The following ASCC2 variants were observed in gnomAD, a reference collection of about 807,000 sequenced individuals.
The protein encoded by ASCC2 is ASC-1 complex subunit P100.
Under a neutral mutation model 93.5 loss-of-function variants are expected in ASCC2, and 42 were observed. The observed-to-expected ratio is 0.45, with a 90% CI of 0.35 to 0.58. The LOEUF is 0.58. ASCC2 is among the 20% of genes least tolerant of loss of function. The pLI is 0.00. For missense variants in ASCC2, 859 were observed against 977.6 expected, an observed-to-expected ratio of 0.88 and a Z score of 1.62; for synonymous variants, 364 against 384.2, an observed-to-expected ratio of 0.95 and a Z score of 0.62.
At chr22:29,811,469 G>A (rs2060271323) in intron 8 of ASCC2, among the ~76,000 whole-genome samples, 1 of 152,126 alleles carries the variant, frequency 6.6e-6, no homozygotes, top group Admixed American at 6.5e-5. Context: ...TGAATAGATG[G>A]GAAAGGAAGG....
intron 12 of ASCC2, 83 bp from the exon 13 acceptor site, chr22:29,804,913 C>A (rs1287165894): frequency 2.1e-6 from 3 of 1,443,556 alleles, no homozygotes; most frequent in East Asian, 2.3e-5. Context: ...AGCATCTGAC[C>A]ACATGGTTCC....
chr22:29,822,873 C>T (rs2061759302), intron 4 of ASCC2, among the ~76,000 whole-genome samples: 1 of 151,496 alleles, frequency 6.6e-6, no homozygotes, highest in African/African-American at 2.4e-5. Context: ...GCACGTGCCA[C>T]AACGCCTGGC....
rs750828950 is a variant in ASCC2, at chr22:29,825,687, C to A, written c.175G>T (p.Ala59Ser). The change falls in exon 3 of 20, where the codon GCC becomes TCC. Residue 59 changes from alanine (A) to serine (S), a missense_variant. Ala to Ser is a moderately conservative substitution (Grantham distance 99). Transcript: ENST00000307790. The surrounding 1 kb of genome is among the most constrained non-coding windows in gnomAD (Gnocchi z 4.9). ...PALVEEYLER[A>S]TFVANDLDWL... Reference sequence around the variant, plus strand: ...TCGAGGTCATTGGCTACGAAGGTGGCGCGTTCCAGGTACTCCTCCACTAGG... The same window carrying A: ...TCGAGGTCATTGGCTACGAAGGTGGAGCGTTCCAGGTACTCCTCCACTAGG... The A allele has an allele frequency of 6.2e-7, 1 of 1,614,208 alleles. No homozygotes were observed. The highest frequency in any genetic ancestry group is 8.5e-7 in the Non-Finnish European group (1 of 1,180,032).
chr22:29,806,259 C>T lies in ASCC2; in HGVS notation c.1117G>A (p.Val373Met), dbSNP rs371998433. The change falls in exon 12 of 20, where the codon GTG (valine) becomes ATG (methionine). Residue 373 changes from valine to methionine, a missense_variant. Coordinates refer to ENST00000307790, the MANE Select transcript of ASCC2 (RefSeq NM_032204.5). Reference protein sequence around the residue: ...FLRDYDALFPVAEDISLLQQA... With the variant: ...FLRDYDALFPMAEDISLLQQA... ...TGCAGCAAGCTGATGTCTTCGGCCA[C>T]GGGGAAGAGTGCATCATAGTCCCGG... is the stretch of plus-strand genomic sequence containing the variant. 8.7e-6 allele frequency: 14 copies of T among 1,614,134 alleles called. No individual in the cohort carries two copies. Among genetic ancestry groups the T allele is most frequent in the East Asian group, 4.5e-5 (2 of 44,868 alleles).
chr22:29,804,164 G>A (rs570176812), intron 13 of ASCC2, among the ~76,000 whole-genome samples: 47 of 152,264 alleles, frequency 3.1e-4, no homozygotes, highest in African/African-American at 1.1e-3. Context: ...CCACAGATTC[G>A]GCCAGTCCTG....
rs911610026 is a variant in ASCC2, at chr22:29,825,415, C to T, written c.241-158G>A. On this transcript the variant is annotated intron_variant, in intron 3 of 19. Coordinates refer to ENST00000307790, the MANE Select transcript of ASCC2 (RefSeq NM_032204.5). The surrounding 1 kb of genome is among the most constrained non-coding windows in gnomAD (Gnocchi z 4.9). Reference sequence around the variant, plus strand: ...GTATGAATGAGCCAAGGGCTAAACACAAGATTCTAAAATTGACACTTTGAA... The same window carrying T: ...GTATGAATGAGCCAAGGGCTAAACATAAGATTCTAAAATTGACACTTTGAA... 8.5e-7 allele frequency: 1 copy of T among 1,174,228 alleles called. No homozygotes were observed. Among genetic ancestry groups the T allele is most frequent in the Admixed American group, 2.6e-5 (1 of 38,602 alleles). The allele number at this position is 1,174,228 out of a possible 1,614,324, so 72.7% of individuals were successfully genotyped here. A position where few individuals can be genotyped will look rare whatever the true frequency, so the allele number is the denominator to read the frequency against.
At chr22:29,815,829 G>A (rs756073699) in intron 6 of ASCC2, among the ~76,000 whole-genome samples, 177 bp downstream of exon 6, 4 of 152,172 alleles carry the variant, frequency 2.6e-5, no homozygotes, top group East Asian at 3.9e-4. Context: ...AAGGGAAAAC[G>A]GCAAATTTAA....
At position 29,825,906 on chromosome 22, in the gene ASCC2, A is replaced by C; in HGVS notation, c.82-126T>G. Reference sequence around the variant, plus strand: ...GACCCTCCAAGGAGCTTTTAAGCATAAAGAACCAAGTGTATCTAACAAAGA... The same window carrying C: ...GACCCTCCAAGGAGCTTTTAAGCATCAAGAACCAAGTGTATCTAACAAAGA... On this transcript the variant is annotated intron_variant, in intron 2 of 19. Coordinates refer to ENST00000307790, the MANE Select transcript of ASCC2 (RefSeq NM_032204.5). The surrounding 1 kb of genome is among the most constrained non-coding windows in gnomAD (Gnocchi z 4.9). 1 of 1,120,008 alleles carries C rather than the reference A, an allele frequency of 8.9e-7. No homozygotes were observed. Among genetic ancestry groups the C allele is most frequent in the Non-Finnish European group, 1.3e-6 (1 of 777,992 alleles). The allele number at this position is 1,120,008 out of a possible 1,614,324, so 69.4% of individuals were successfully genotyped here. A position where few individuals can be genotyped will look rare whatever the true frequency, so the allele number is the denominator to read the frequency against.
chr22:29,830,054 C>T (rs919065721), intron 2 of ASCC2, among the ~76,000 whole-genome samples: 2 of 152,174 alleles, frequency 1.3e-5, no homozygotes, highest in African/African-American at 4.8e-5. Context: ...GCCAGCAAGA[C>T]CCCTCTTCGA....
rs2057586170 is a variant in ASCC2 at position 29,790,553 on chromosome 22, G to A, written c.2023-5C>T. On this transcript the variant is annotated splice_region_variant and splice_polypyrimidine_tract_variant and intron_variant, in intron 18 of 19. Transcript: ENST00000307790. ...GTCCTGAACAAAATGGTCGGGCTGT[G>A]GAAAGGAGAGGAGACCAAATCTGGA... The A allele has an allele frequency of 1.2e-6, 2 of 1,613,856 alleles. No individual in the cohort carries two copies. The highest frequency in any genetic ancestry group is 2.7e-5 in the African/African-American group (2 of 74,932).
intron 2 of ASCC2, among the ~76,000 whole-genome samples, chr22:29,826,482 A>AT (rs955036326): frequency 9.3e-5 from 14 of 150,294 alleles, no homozygotes; most frequent in Non-Finnish European, 1.6e-4. Flanking sequence ...TGCCTGGCTA[A>AT]TTTTTTTTTA....
In ASCC2 at chr22:29,806,134, C is replaced by T. The variant is rs2059645923; in HGVS notation, c.1160+82G>A. 5 of 1,477,882 alleles carry T rather than the reference C, an allele frequency of 3.4e-6. No individual in the cohort carries two copies. In the African/African-American group the frequency reaches 6.9e-5, roughly 21 times the overall value. The allele number at this position is 1,477,882 out of a possible 1,614,324, so 91.5% of individuals were successfully genotyped here. A position where few individuals can be genotyped will look rare whatever the true frequency, so the allele number is the denominator to read the frequency against. ...CGTTCTGGGGCTAAACCTCTTTCCACTCCTCTGGGTTCCAGCAGCCTGTCT... is the reference window on the plus strand; with the variant it reads ...CGTTCTGGGGCTAAACCTCTTTCCATTCCTCTGGGTTCCAGCAGCCTGTCT... On this transcript the variant is annotated intron_variant, in intron 12 of 19. Transcript: ENST00000307790.
Position 29,801,998 on chromosome 22 carries a change from C to A in ASCC2, c.1564G>T (p.Asp522Tyr). The A allele has an allele frequency of 6.3e-7, 1 of 1,588,366 alleles. No individual in the cohort carries two copies. The highest frequency in any genetic ancestry group is 1.1e-5 in the South Asian group (1 of 88,100). Residue 522 changes from aspartate (D) to tyrosine (Y), a missense_variant, in exon 14 of 20, where the codon GAC (aspartate) becomes TAC (tyrosine). By Grantham distance (160) the Asp-to-Tyr change is radical. Transcript: ENST00000307790. ...CCTCCCACCTGTCTCTCCCACCTGTCTAGGTTGCGGTCCAGCTGGCTGAGG... is the reference window on the plus strand; with the variant it reads ...CCTCCCACCTGTCTCTCCCACCTGTATAGGTTGCGGTCCAGCTGGCTGAGG... ...PTLSQLDRNL[D>Y]REMKPDPTPL...
intron 15 of ASCC2, among the ~76,000 whole-genome samples, chr22:29,795,852 T>C (rs1259626996): frequency 3.3e-5 from 5 of 151,626 alleles, no homozygotes; most frequent in Non-Finnish European, 7.4e-5. Flanking sequence ...GGAAAATCAA[T>C]ATGAGATGCC....
chr22:29,789,762 T>C (rs1471326442), intron 19 of ASCC2, among the ~76,000 whole-genome samples: 2 of 152,208 alleles, frequency 1.3e-5, no homozygotes, highest in Non-Finnish European at 2.9e-5. Flanking sequence ...ATGCCTTCCC[T>C]GTGGCCAGGC....
rs753431913 is a variant in ASCC2 at position 29,794,905 on chromosome 22, C to G, written c.1689-1229G>C. Among the ~76,000 whole-genome samples, 5 of 152,048 alleles carry G rather than the reference C, an allele frequency of 3.3e-5. 1 individual carries two copies. In the South Asian group the frequency reaches 1.0e-3, roughly 32 times the overall value. ...GCAGACAGAAGGCTAGGAAGCCCCA[C>G]GCCAAATGACAGTGGTTACTGCTTG... On this transcript the variant is annotated intron_variant, in intron 15 of 19. Coordinates refer to ENST00000307790, the MANE Select transcript of ASCC2 (RefSeq NM_032204.5).
At chr22:29,796,373 T>TA (rs2058441403) in intron 15 of ASCC2, among the ~76,000 whole-genome samples, 1 of 152,042 alleles carries the variant, frequency 6.6e-6, no homozygotes, top group African/African-American at 2.4e-5. Context: ...ATGAAGAAGA[T>TA]AGAGATCTGC....
intron 4 of ASCC2, among the ~76,000 whole-genome samples, chr22:29,824,687 C>T (rs925122808): frequency 1.3e-5 from 2 of 151,718 alleles, no homozygotes; most frequent in African/African-American, 2.4e-5. Flanking sequence ...CGGTGACATT[C>T]GTATTTCCGC....
Position 29,801,625 on chromosome 22 carries a change from C to T in ASCC2, c.1568+369G>A, listed in dbSNP as rs574161573. 9.2e-5 allele frequency among the ~76,000 whole-genome samples: 14 copies of T among 152,264 alleles called. No homozygotes were observed. In the South Asian group the frequency reaches 1.5e-3, roughly 16 times the overall value. On this transcript the variant is annotated intron_variant, in intron 14 of 19. Transcript: ENST00000307790. ...AATGGTAGGTGTGATGAAAGTGAGA[C>T]GCTGTGGCCATCCTCTCTCACAAAT...
Sources: gnomAD v4.1 joint callset for allele counts (sites outside exome capture counted in the v4.1 genomes callset) on GRCh38, gnomAD v4.1.1 for gene constraint, Gnocchi (gnomAD v3.1) non-coding constraint, MANE v1.5 for transcripts, NCBI Gene and HGNC (gene_info 2026-07-23, HGNC 2026-07-21) for gene names.